GNG7: variants seen among roughly 807,000 people sequenced by gnomAD.
GNG7 encodes the protein G protein subunit gamma 7, also known as guanine nucleotide-binding protein G(I)/G(S)/G(O) subunit gamma-7.
In GNG7, 1 loss-of-function variant was observed where a neutral mutation model predicts 4.0. The observed-to-expected ratio is 0.25, with a 90% confidence interval of 0.09 to 1.18. The LOEUF is 1.18. Ranked by LOEUF, GNG7 falls within the 50% of genes most tolerant of loss-of-function variation. The probability of loss-of-function intolerance (pLI) is 0.50; values close to 1 mark genes in which losing one functional copy is unlikely to be tolerated. For synonymous variants in GNG7, 34 were observed against 36.9 expected, an observed-to-expected ratio of 0.92 and a Z score of 0.29; for missense variants, 86 against 91.9, an observed-to-expected ratio of 0.94 and a Z score of 0.26.
At chr19:2,699,046 T>C (rs1029071731) in intron 1 of GNG7, among the ~76,000 whole-genome samples, 3 of 152,170 alleles carry the variant, frequency 2.0e-5, no homozygotes, top group African/African-American at 7.2e-5. Context: ...TTGCAAACAT[T>C]GTCATCTTCC....
chr19:2,554,559 A>ATATATTTTT (rs1196558078), intron 3 of GNG7, among the ~76,000 whole-genome samples: 19 of 130,136 alleles, frequency 1.5e-4, no homozygotes, highest in African/African-American at 5.0e-4. Flanking sequence ...ATATATATAT[A>ATATATTTTT]TTTTTTTTTT....
intron 2 of GNG7, among the ~76,000 whole-genome samples, chr19:2,581,710 TC>T (rs1415274602): frequency 6.6e-6 from 1 of 152,216 alleles, no homozygotes; most frequent in African/African-American, 2.4e-5. Context: ...TCACTCTGCA[TC>T]ACCCAACAGG....
chr19:2,576,994 C>A (rs1980361376), intron 2 of GNG7, among the ~76,000 whole-genome samples: 1 of 152,244 alleles, frequency 6.6e-6, no homozygotes, highest in Admixed American at 6.5e-5. Context: ...TGAATTTGCT[C>A]TTAAGTCATT....
intron 3 of GNG7, among the ~76,000 whole-genome samples, chr19:2,549,143 G>C (rs929233078): frequency 1.3e-5 from 2 of 152,134 alleles, no homozygotes; most frequent in African/African-American, 4.8e-5. Context: ...CCTGACTCCT[G>C]TGCCAACCCA....
intron 2 of GNG7, among the ~76,000 whole-genome samples, chr19:2,580,284 CTATTTTTTTT>C (rs374046347): frequency 9.8e-5 from 12 of 123,036 alleles, no homozygotes; most frequent in African/African-American, 4.5e-4. Context: ...CTGTCTGGTT[CTATTTTTTTT>C]TTTTTTTTTT....
intron 4 of GNG7, among the ~76,000 whole-genome samples, chr19:2,517,758 C>T (rs1016961095): frequency 6.6e-6 from 1 of 152,328 alleles, no homozygotes; most frequent in Non-Finnish European, 1.5e-5. Flanking sequence ...GCGACCCTCC[C>T]GCCTAGACCT....
At chr19:2,682,162 GC>G (rs1983754324) in intron 1 of GNG7, among the ~76,000 whole-genome samples, 1 of 151,890 alleles carries the variant, frequency 6.6e-6, no homozygotes. Context: ...ACCCACCTTG[GC>G]CTCCCAAAGT....
At chr19:2,543,221 C>CT (rs34642408) in intron 3 of GNG7, among the ~76,000 whole-genome samples, 54,820 of 121,686 alleles carry the variant, frequency 0.45, 12,892 homozygotes, top group Middle Eastern at 0.5. Context: ...GCCTGGCCTC[C>CT]TTTTTTTTTT....
At chr19:2,585,764 G>C (rs185512402) in intron 2 of GNG7, among the ~76,000 whole-genome samples, 125 of 152,172 alleles carry the variant, frequency 8.2e-4, no homozygotes, top group Non-Finnish European at 1.5e-3. Flanking sequence ...GCAGTGGCGC[G>C]ATCTCGGCTC....
chr19:2,633,377 C>T lies in GNG7; in HGVS notation c.-78+12847G>A, dbSNP rs571422426. 7.2e-5 allele frequency among the ~76,000 whole-genome samples: 11 copies of T among 152,268 alleles called. No homozygotes were observed. The highest frequency in any genetic ancestry group is 2.1e-4 in the South Asian group (1 of 4,828). ...CGCCGTGTGTATTTTGAGTCAAAGGCGGCCAAGGCTCGATGAATCTGCCGA... is the reference window on the plus strand; with the variant it reads ...CGCCGTGTGTATTTTGAGTCAAAGGTGGCCAAGGCTCGATGAATCTGCCGA... On this transcript the variant is annotated intron_variant, in intron 2 of 4. Coordinates refer to ENST00000382159, the MANE Select transcript of GNG7 (RefSeq NM_052847.3). This position sits in a 1 kb window ranked among gnomAD's most constrained non-coding sequence, Gnocchi z 5.9.
intron 2 of GNG7, among the ~76,000 whole-genome samples, chr19:2,602,968 TTCTTTCTC>T (rs981408379): frequency 1.3e-5 from 2 of 151,602 alleles, no homozygotes; most frequent in Admixed American, 6.6e-5. Flanking sequence ...TTCTCTTTCT[TTCTTTCTC>T]TCTCTCTTTC....
At chr19:2,690,036 T>C (rs973869258) in intron 1 of GNG7, among the ~76,000 whole-genome samples, 2 of 152,172 alleles carry the variant, frequency 1.3e-5, no homozygotes, top group African/African-American at 4.8e-5. Flanking sequence ...GTTTTTTGCT[T>C]CTTTTGGCGG....
chr19:2,596,148 C>A (rs1348696400), intron 2 of GNG7, among the ~76,000 whole-genome samples: 1 of 152,142 alleles, frequency 6.6e-6, no homozygotes, highest in African/African-American at 2.4e-5. Flanking sequence ...CACCTGAGGT[C>A]AGGAGTTTGG....
intron 4 of GNG7, among the ~76,000 whole-genome samples, chr19:2,518,197 T>TA (rs145633970): frequency 2.0e-3 from 299 of 152,086 alleles, no homozygotes; most frequent in African/African-American, 6.5e-3. Flanking sequence ...GCTGGGGATG[T>TA]AAAACCTCAG....
rs530611805 is a variant in GNG7, at chr19:2,660,470, C to A, written c.-134-14190G>T. Among the ~76,000 whole-genome samples the A allele has an allele frequency of 4.6e-5, 7 of 152,280 alleles. No individual in the cohort carries two copies. The South Asian group carries it at 1.2e-3, about 27-fold the overall frequency. On this transcript the variant is annotated intron_variant, in intron 1 of 4. Coordinates refer to ENST00000382159, the MANE Select transcript of GNG7 (RefSeq NM_052847.3). ...TCCTGCCCTCAAAGGTACAAGAAGA[C>A]AAGCTAGAAAGTAGACGAGGCTGGG...
intron 1 of GNG7, among the ~76,000 whole-genome samples, chr19:2,674,445 T>G (rs996430397): frequency 3.4e-5 from 2 of 58,458 alleles, no homozygotes; most frequent in African/African-American, 1.1e-4. Flanking sequence ...TTTTGTTTTG[T>G]TTTTTTTTGA....
chr19:2,514,948 G>A lies in GNG7; in HGVS notation c.*74C>T, dbSNP rs920621840. ...TGAGCTAATTACTGAATGATGCCCTGCCTGAGACAGAGACAGAGACAGAGA... is the reference window on the plus strand; with the variant it reads ...TGAGCTAATTACTGAATGATGCCCTACCTGAGACAGAGACAGAGACAGAGA... On this transcript the variant is annotated 3_prime_UTR_variant, in exon 5 of 5. Transcript: ENST00000382159. The A allele has an allele frequency of 2.4e-6, 3 of 1,257,948 alleles. No individual in the cohort carries two copies. Among genetic ancestry groups the A allele is most frequent in the Non-Finnish European group, 3.5e-6 (3 of 867,436 alleles). 77.9% of individuals were successfully genotyped at this position (1,257,948 alleles called of 1,614,324 possible).
At chr19:2,659,258 T>C (rs910944495) in intron 1 of GNG7, among the ~76,000 whole-genome samples, 13 of 144,470 alleles carry the variant, frequency 9.0e-5, no homozygotes, top group Middle Eastern at 3.4e-3. Context: ...CGTGAGCCAC[T>C]GCGCCTGGCC....
chr19:2,553,780 A>G (rs79979461), intron 3 of GNG7, among the ~76,000 whole-genome samples: 3,542 of 143,536 alleles, frequency 0.025, 69 homozygotes, highest in African/African-American at 0.04. Flanking sequence ...GTAATGTTAT[A>G]TCACACACAT....
Sources: gnomAD v4.1 joint callset for allele counts (sites outside exome capture counted in the v4.1 genomes callset) on GRCh38, gnomAD v4.1.1 for gene constraint, Gnocchi (gnomAD v3.1) non-coding constraint, MANE v1.5 for transcripts, NCBI Gene and HGNC (gene_info 2026-07-23, HGNC 2026-07-21) for gene names.